The following MGLL variants were observed in gnomAD, a reference collection of about 807,000 sequenced individuals.
MGLL encodes lysophospholipase homolog.
Under a neutral mutation model 29.1 loss-of-function variants are expected in MGLL, and 7 were observed. That is an observed-to-expected ratio of 0.24 (90% CI 0.14 to 0.45). The LOEUF is 0.45. Ranked by LOEUF, MGLL falls within the 20% of genes least tolerant of loss-of-function variation. The pLI is 0.99. For missense variants in MGLL, 356 were observed against 413.6 expected (o/e 0.86, Z 1.21); for synonymous variants, 148 against 168.3 (o/e 0.88, Z 0.93).
intron 3 of MGLL, among the ~76,000 whole-genome samples, chr3:127,755,226 G>A (rs891078008): frequency 2.0e-5 from 3 of 152,158 alleles, no homozygotes; most frequent in Non-Finnish European, 4.4e-5. Context: ...ACTGTGACCT[G>A]GGAACAAGGG....
chr3:127,821,988 T>G (rs2077869892), intron 1 of MGLL, 150 bp from the exon 2 acceptor site: 1 of 874,208 alleles, frequency 1.1e-6, no homozygotes, highest in Admixed American at 3.0e-5. Context: ...ATACATACAT[T>G]TCTTGCAAAC....
chr3:127,702,890 T>C (rs2107594576), intron 6 of MGLL, among the ~76,000 whole-genome samples: 1 of 152,294 alleles, frequency 6.6e-6, no homozygotes, highest in East Asian at 1.9e-4. Context: ...AGACGGGGTT[T>C]CACCATGTTG....
intron 7 of MGLL, among the ~76,000 whole-genome samples, chr3:127,694,327 A>G (rs559119693): frequency 1.7e-4 from 15 of 86,958 alleles, no homozygotes; most frequent in East Asian, 4.1e-4. Flanking sequence ...GTATATATAT[A>G]TGTGTATATA....
At chr3:127,702,094 C>T (rs2075501892) in intron 6 of MGLL, among the ~76,000 whole-genome samples, 1 of 152,194 alleles carries the variant, frequency 6.6e-6, no homozygotes, top group South Asian at 2.1e-4. Flanking sequence ...GTGTGGCTTC[C>T]AAGGTCACAC....
At chr3:127,774,519 GCT>G (rs142993907) in intron 3 of MGLL, among the ~76,000 whole-genome samples, 8,260 of 152,294 alleles carry the variant, frequency 0.054, 305 homozygotes, top group Non-Finnish European at 0.081. Flanking sequence ...TCACCTGAAT[GCT>G]CTTTCTCCAT....
chr3:127,730,954 T>C (rs2107640320), intron 3 of MGLL, among the ~76,000 whole-genome samples: 1 of 152,344 alleles, frequency 6.6e-6, no homozygotes, highest in East Asian at 1.9e-4. Flanking sequence ...CACCTGTGCA[T>C]TCCCTAGGGT....
chr3:127,755,505 T>A (rs1441398558), intron 3 of MGLL, among the ~76,000 whole-genome samples: 1 of 152,046 alleles, frequency 6.6e-6, no homozygotes, highest in Non-Finnish European at 1.5e-5. Context: ...GAAGGTTGCT[T>A]ATGAATGCGT....
chr3:127,783,610 T>C (rs531897254), intron 2 of MGLL, among the ~76,000 whole-genome samples: 34 of 152,392 alleles, frequency 2.2e-4, no homozygotes, highest in South Asian at 4.1e-4. Flanking sequence ...GTTTGTTTTA[T>C]GGTGCTTTCA....
intron 3 of MGLL, among the ~76,000 whole-genome samples, chr3:127,740,518 A>G (rs2076320822): frequency 6.6e-6 from 1 of 152,096 alleles, no homozygotes; most frequent in African/African-American, 2.4e-5. Context: ...TGCTGGCCTC[A>G]CCCTCCAGCT....
chr3:127,765,305 C>T (rs970114391), intron 3 of MGLL, among the ~76,000 whole-genome samples: 4 of 152,156 alleles, frequency 2.6e-5, no homozygotes, highest in Non-Finnish European at 4.4e-5. Flanking sequence ...CACCAGGAAA[C>T]CTTAAATATT....
At chr3:127,722,300 G>A in intron 4 of MGLL, 130 bp downstream of exon 4, 1 of 1,325,404 alleles carries the variant, frequency 7.5e-7, no homozygotes, top group Non-Finnish European at 1.1e-6. Context: ...TCCAAGTGCA[G>A]TGCACAAAGG....
intron 2 of MGLL, among the ~76,000 whole-genome samples, chr3:127,821,046 C>G (rs1033033803): frequency 7.9e-5 from 12 of 152,190 alleles, no homozygotes; most frequent in Non-Finnish European, 1.8e-4. Flanking sequence ...TTGGTTACCA[C>G]AAATAAATTC....
At chr3:127,817,704 T>A (rs759859177) in intron 2 of MGLL, among the ~76,000 whole-genome samples, 1 of 152,240 alleles carries the variant, frequency 6.6e-6, no homozygotes, top group Non-Finnish European at 1.5e-5. Flanking sequence ...TATTGCACAA[T>A]GTTTTCAGAC....
intron 3 of MGLL, among the ~76,000 whole-genome samples, chr3:127,723,638 C>T (rs931590462): frequency 6.6e-6 from 1 of 152,184 alleles, no homozygotes; most frequent in African/African-American, 2.4e-5. Context: ...CCTTGCCCTT[C>T]TGAGCTTTTT....
At chr3:127,773,018 T>C (rs530790467) in intron 3 of MGLL, among the ~76,000 whole-genome samples, 17 of 151,982 alleles carry the variant, frequency 1.1e-4, no homozygotes, top group Non-Finnish European at 1.9e-4. Context: ...CAGTCTAGAG[T>C]GTTCTGTTAC....
chr3:127,819,139 G>A (rs1476064639), intron 2 of MGLL, among the ~76,000 whole-genome samples: 1 of 152,196 alleles, frequency 6.6e-6, no homozygotes, highest in African/African-American at 2.4e-5. Context: ...GACAGAATTT[G>A]CTTGCATAAA....
chr3:127,754,296 T>C (rs1441155959), intron 3 of MGLL, among the ~76,000 whole-genome samples: 1 of 151,788 alleles, frequency 6.6e-6, no homozygotes, highest in Non-Finnish European at 1.5e-5. Flanking sequence ...TGAGAAAATC[T>C]CTCCCTTTTA....
chr3:127,764,701 C>T (rs72626385), intron 3 of MGLL, among the ~76,000 whole-genome samples: 19,133 of 152,188 alleles, frequency 0.13, 1,244 homozygotes, highest in Middle Eastern at 0.17. Flanking sequence ...ATACTCCATG[C>T]CGTAGGTAAT....
At position 127,822,207 on chromosome 3, in the gene MGLL, A is replaced by G. The variant is rs1481142697; in HGVS notation, c.10+102T>C. ...GACCCAGCTGCAAGAAGACCCATCT[A>G]TCTTAAAATCTCCAAGGAACAGTTT... is the stretch of plus-strand genomic sequence containing the variant. On this transcript the variant is annotated intron_variant, in intron 1 of 7. Transcript: ENST00000265052. 6.0e-6 allele frequency: 8 copies of G among 1,333,882 alleles called. No homozygotes were observed. The African/African-American group carries it at 1.0e-4, about 17-fold the overall frequency. 82.6% of individuals were successfully genotyped at this position (1,333,882 alleles called of 1,614,324 possible).
Sources: allele counts gnomAD v4.1 joint callset (sites outside exome capture counted in the v4.1 genomes callset), GRCh38; gene constraint gnomAD v4.1.1; transcripts MANE v1.5; gene names NCBI Gene and HGNC (gene_info 2026-07-23, HGNC 2026-07-21).